The following WWOX variants were observed in gnomAD, a reference collection of about 807,000 sequenced individuals.
WWOX encodes WW domain-containing oxidoreductase.
In WWOX, 69 loss-of-function variants were observed where a neutral mutation model predicts 46.2. That is an observed-to-expected ratio of 1.49 (90% CI 1.23 to 1.82). The LOEUF (loss-of-function observed/expected upper bound fraction) is 1.82. Among genes scored for constraint, WWOX ranks in the 40% most tolerant of loss-of-function variants. WWOX has a pLI of 0.00. For missense variants in WWOX, 919 were observed against 542.6 expected, an observed-to-expected ratio of 1.69 and a Z score of -6.89; for synonymous variants, 359 against 202.6, an observed-to-expected ratio of 1.77 and a Z score of -6.56.
intron 8 of WWOX, among the ~76,000 whole-genome samples, chr16:79,208,065 C>T (rs77541894): frequency 2.4e-3 from 362 of 152,290 alleles, no homozygotes; most frequent in African/African-American, 7.7e-3. Context: ...GCAAATCTGA[C>T]AGATGATTTT....
At chr16:78,428,577 T>G (rs1015487353) in intron 7 of WWOX, among the ~76,000 whole-genome samples, 3 of 152,192 alleles carry the variant, frequency 2.0e-5, no homozygotes, top group African/African-American at 7.2e-5. Flanking sequence ...CATGGGATTC[T>G]TTTGACTTGT....
At chr16:79,140,089 A>C (rs892463988) in intron 8 of WWOX, among the ~76,000 whole-genome samples, 118 of 152,180 alleles carry the variant, frequency 7.8e-4, no homozygotes, top group African/African-American at 2.8e-3. Flanking sequence ...CCATGGTCTC[A>C]ATGCTGTTGA....
chr16:78,403,749 A>T (rs996567738), intron 6 of WWOX, among the ~76,000 whole-genome samples: 1 of 152,368 alleles, frequency 6.6e-6, no homozygotes, highest in East Asian at 1.9e-4. Context: ...CAAAGTTTTC[A>T]GTTGTAAGAG....
intron 8 of WWOX, among the ~76,000 whole-genome samples, chr16:78,661,529 C>T (rs2047212939): frequency 6.6e-6 from 1 of 151,870 alleles, no homozygotes; most frequent in African/African-American, 2.4e-5. Context: ...TATGATTTAG[C>T]TTTCACCGCG....
intron 8 of WWOX, among the ~76,000 whole-genome samples, chr16:78,815,974 G>A (rs922712866): frequency 2.6e-5 from 4 of 152,160 alleles, no homozygotes; most frequent in South Asian, 2.1e-4. Context: ...GGGTGACCTT[G>A]TGTGTCCTTC....
At chr16:78,594,883 C>T (rs1207745663) in intron 8 of WWOX, among the ~76,000 whole-genome samples, 17 of 152,136 alleles carry the variant, frequency 1.1e-4, no homozygotes, top group Admixed American at 1.0e-3. Context: ...TAAATAGCAG[C>T]CTATGCATAT....
At chr16:79,206,979 ATTGT>A (rs1422069821) in intron 8 of WWOX, among the ~76,000 whole-genome samples, 3 of 152,076 alleles carry the variant, frequency 2.0e-5, no homozygotes, top group Non-Finnish European at 2.9e-5. Flanking sequence ...TGAAGCTGTA[ATTGT>A]TTGTGAGGAA....
intron 8 of WWOX, among the ~76,000 whole-genome samples, chr16:78,829,559 T>C (rs948200597): frequency 1.3e-5 from 2 of 152,182 alleles, no homozygotes; most frequent in African/African-American, 4.8e-5. Context: ...CTACAATTTT[T>C]TTTTTGCCTT....
chr16:78,715,991 G>A (rs2142337561), intron 8 of WWOX, among the ~76,000 whole-genome samples: 1 of 152,096 alleles, frequency 6.6e-6, no homozygotes, highest in South Asian at 2.1e-4. Context: ...AGAGGTTTGA[G>A]CAAGAAATTA....
At chr16:79,125,062 T>G (rs201000640) in intron 8 of WWOX, among the ~76,000 whole-genome samples, 1 of 150,928 alleles carries the variant, frequency 6.6e-6, no homozygotes, top group African/African-American at 2.5e-5. Flanking sequence ...TTTTTTTTTT[T>G]AGGGATAAAT....
At chr16:78,305,915 C>T (rs1488510997) in intron 5 of WWOX, among the ~76,000 whole-genome samples, 1 of 151,522 alleles carries the variant, frequency 6.6e-6, no homozygotes, top group African/African-American at 2.4e-5. Flanking sequence ...TGGCTCAGTT[C>T]TTTTTTGAGT....
At chr16:78,579,143 A>G (rs961869077) in intron 8 of WWOX, among the ~76,000 whole-genome samples, 20 of 152,254 alleles carry the variant, frequency 1.3e-4, no homozygotes, top group African/African-American at 4.6e-4. Context: ...GTGGGTGTTA[A>G]AAATCACTTT....
intron 4 of WWOX, among the ~76,000 whole-genome samples, chr16:78,156,206 C>G (rs1010610980): frequency 3.3e-5 from 5 of 152,098 alleles, no homozygotes; most frequent in Non-Finnish European, 7.4e-5. Flanking sequence ...AGCCTGTAGC[C>G]TGTTGCTGCT....
At chr16:78,103,212 A>G (rs2031913784) in intron 1 of WWOX, among the ~76,000 whole-genome samples, 2 of 149,340 alleles carry the variant, frequency 1.3e-5, no homozygotes. Flanking sequence ...CTAGTGTCTT[A>G]AATCTCAAGC....
intron 8 of WWOX, among the ~76,000 whole-genome samples, chr16:79,076,498 C>T (rs1008935813): frequency 5.9e-5 from 9 of 152,154 alleles, no homozygotes; most frequent in African/African-American, 1.9e-4. Context: ...TTGGCTTGTC[C>T]GGTGCATCCT....
At position 78,586,218 on chromosome 16, in the gene WWOX, A is replaced by C. The variant is rs540381718; in HGVS notation, c.1056+153466A>C. ...AAGAAAAAAGAAACATTTAATTAAA[A>C]ATTCAGAATTGGAAGTTGCATTGAG... On this transcript the variant is annotated intron_variant, in intron 8 of 8. Coordinates refer to ENST00000566780, the MANE Select transcript of WWOX (RefSeq NM_016373.4). 3.9e-4 allele frequency among the ~76,000 whole-genome samples: 60 copies of C among 152,288 alleles called. 1 individual carries two copies. The highest frequency in any genetic ancestry group is 1.3e-3 in the African/African-American group (55 of 41,570).
intron 8 of WWOX, among the ~76,000 whole-genome samples, chr16:78,539,860 A>G (rs543076150): frequency 6.6e-6 from 1 of 152,246 alleles, no homozygotes; most frequent in African/African-American, 2.4e-5. Flanking sequence ...CTGTACCTCT[A>G]TTGGGAAATT....
chr16:78,634,829 AGAGAGAGAGTGTGTGT>A lies in WWOX; in HGVS notation c.1056+202079_1056+202094del, dbSNP rs765026958. ...CCCGACTGGAGAGAGAGAGAGAGAG[AGAGAGAGAGTGTGTGT>A]GTGTGTGTGTGTGTGTGTGTGTGTG... On this transcript the variant is annotated intron_variant, in intron 8 of 8. Transcript: ENST00000566780. Among the ~76,000 whole-genome samples the A allele has an allele frequency of 7.6e-3, 851 of 112,340 alleles. 5 individuals carry two copies. Among genetic ancestry groups the A allele is most frequent in the Non-Finnish European group, 0.011 (559 of 52,200 alleles). The allele number at this position is 112,340 out of a possible 152,430, so 73.7% of individuals were successfully genotyped here.
chr16:78,110,246 G>A (rs1390954762), intron 3 of WWOX, among the ~76,000 whole-genome samples: 1 of 151,242 alleles, frequency 6.6e-6, no homozygotes, highest in African/African-American at 2.4e-5. Context: ...AGGGTAAGGC[G>A]GGAGAATCAC....
Sources: gnomAD v4.1 joint callset for allele counts (sites outside exome capture counted in the v4.1 genomes callset) on GRCh38, gnomAD v4.1.1 for gene constraint, MANE v1.5 for transcripts, NCBI Gene and HGNC (gene_info 2026-07-23, HGNC 2026-07-21) for gene names.